The following STARD13 variants were observed in gnomAD, a reference collection of about 807,000 sequenced individuals.
STARD13 encodes the protein stAR-related lipid transfer protein 13.
Under a neutral mutation model 106.4 loss-of-function variants are expected in STARD13, and 62 were observed. The ratio of observed to expected loss-of-function variants is 0.58; its 90% CI spans 0.48 to 0.72. The LOEUF is 0.72. STARD13 is among the 30% of genes least tolerant of loss of function. The pLI is 0.00. For missense variants in STARD13, 1,387 were observed against 1,424.0 expected, an observed-to-expected ratio of 0.97 and a Z score of 0.42; for synonymous variants, 565 against 553.0, an observed-to-expected ratio of 1.02 and a Z score of -0.31.
At chr13:33,541,802 T>A in the STARD13 span, among the ~76,000 whole-genome samples, 5 of 152,200 alleles carry the variant, frequency 3.3e-5, no homozygotes, top group Admixed American at 6.5e-5. Context: ...AGTTTAAAAT[T>A]AAACGGAGCG....
chr13:33,552,754 A>G, the STARD13 span, among the ~76,000 whole-genome samples: 1 of 152,210 alleles, frequency 6.6e-6, no homozygotes, highest in Non-Finnish European at 1.5e-5. Context: ...AATAATAGAC[A>G]AACTATGTTT....
chr13:33,264,135 A>T (rs1890781206), intron 1 of STARD13, among the ~76,000 whole-genome samples: 1 of 152,186 alleles, frequency 6.6e-6, no homozygotes, highest in African/African-American at 2.4e-5. Flanking sequence ...CCAGTCATGC[A>T]AGTGCCCAAG....
At chr13:33,256,801 T>A (rs1193497470) in intron 1 of STARD13, among the ~76,000 whole-genome samples, 2 of 152,238 alleles carry the variant, frequency 1.3e-5, no homozygotes, top group African/African-American at 4.8e-5. Context: ...GCAGGACTGA[T>A]GAAGATTTCA....
At chr13:33,609,245 A>G in the STARD13 span, among the ~76,000 whole-genome samples, 1 of 152,160 alleles carries the variant, frequency 6.6e-6, no homozygotes, top group African/African-American at 2.4e-5. Context: ...ATTTATTTTA[A>G]AAACTCTGCA....
Position 33,348,875 on chromosome 13 carries a change from A to G in STARD13, c.*274T>C, listed in dbSNP as rs184604262. The G allele has an allele frequency of 3.3e-4, 141 of 421,674 alleles. 1 individual carries two copies. Among genetic ancestry groups the G allele is most frequent in the African/African-American group, 2.3e-3 (119 of 50,750 alleles). 26.1% of individuals were successfully genotyped at this position (421,674 alleles called of 1,614,324 possible). A position where few individuals can be genotyped will look rare whatever the true frequency, so the allele number is the denominator to read the frequency against. On this transcript the variant is annotated 3_prime_UTR_variant, in exon 2 of 2. Coordinates refer to the STARD13 transcript ENST00000439831. ...CACTGTGTTGGAGAGAAAATGTGGAATGAACATTGTATGCTTACAACATTG... is the reference window on the plus strand; with the variant it reads ...CACTGTGTTGGAGAGAAAATGTGGAGTGAACATTGTATGCTTACAACATTG...
At chr13:33,374,597 G>A in the STARD13 span, among the ~76,000 whole-genome samples, 1 of 152,096 alleles carries the variant, frequency 6.6e-6, no homozygotes, top group Non-Finnish European at 1.5e-5. Flanking sequence ...TGGTGTTCAG[G>A]GGATGCAAAG....
At chr13:33,123,704 T>C (rs1192858622) in intron 7 of STARD13, among the ~76,000 whole-genome samples, 4 of 152,208 alleles carry the variant, frequency 2.6e-5, no homozygotes, top group Non-Finnish European at 4.4e-5. Flanking sequence ...TGTTGCATCA[T>C]ATAGAAACTG....
intron 1 of STARD13, among the ~76,000 whole-genome samples, chr13:33,349,772 G>T (rs1247644213): frequency 6.6e-6 from 1 of 152,182 alleles, no homozygotes; most frequent in Admixed American, 6.5e-5. Context: ...CCTGTCTCCC[G>T]TCACATCCCC....
chr13:33,320,513 T>C (rs1893518003), intron 1 of STARD13, among the ~76,000 whole-genome samples: 1 of 152,232 alleles, frequency 6.6e-6, no homozygotes, highest in Non-Finnish European at 1.5e-5. Flanking sequence ...GAAAATGGCA[T>C]TTGAAATTCT....
At chr13:33,291,172 A>G (rs1345848362) in intron 1 of STARD13, among the ~76,000 whole-genome samples, 3 of 152,160 alleles carry the variant, frequency 2.0e-5, no homozygotes, top group Admixed American at 1.3e-4. Flanking sequence ...GAGGACCCCA[A>G]GCTATTGAAG....
intron 1 of STARD13, among the ~76,000 whole-genome samples, chr13:33,260,108 C>T (rs1890568400): frequency 6.6e-6 from 1 of 151,942 alleles, no homozygotes; most frequent in Non-Finnish European, 1.5e-5. Context: ...GAACCTGAGG[C>T]AGCATGGGGT....
At chr13:33,590,230 AAC>A in the STARD13 span, among the ~76,000 whole-genome samples, 1 of 152,144 alleles carries the variant, frequency 6.6e-6, no homozygotes. Flanking sequence ...GAGAAATAGG[AAC>A]ACTTTTACAC....
intron 7 of STARD13, among the ~76,000 whole-genome samples, chr13:33,124,940 C>T (rs950662924): frequency 2.8e-4 from 42 of 152,112 alleles, no homozygotes; most frequent in African/African-American, 8.5e-4. Context: ...CCACCCTCTG[C>T]GATGACATAC....
chr13:33,668,202 A>T, the STARD13 span, among the ~76,000 whole-genome samples: 8 of 152,192 alleles, frequency 5.3e-5, no homozygotes, highest in African/African-American at 9.7e-5. Flanking sequence ...TTCTTTTATC[A>T]GTTGTTGAAC....
the STARD13 span, among the ~76,000 whole-genome samples, chr13:33,464,926 G>C: frequency 6.6e-6 from 1 of 152,020 alleles, no homozygotes; most frequent in South Asian, 2.1e-4. Context: ...AGTCCGGCAG[G>C]AAAGTCAAAC....
chr13:33,200,432 C>T (rs371570592), intron 1 of STARD13, among the ~76,000 whole-genome samples: 4 of 152,300 alleles, frequency 2.6e-5, no homozygotes, highest in South Asian at 2.1e-4. Flanking sequence ...TCACCAACAA[C>T]GAGACCACTT....
intron 1 of STARD13, chr13:33,273,987 A>G (rs1891287498): frequency 6.6e-6 from 1 of 152,200 alleles, no homozygotes. Context: ...GTAGATACTA[A>G]TATCGATCTT....
At chr13:33,350,907 C>G (rs905183215), upstream of STARD13, among the ~76,000 whole-genome samples, 7 of 150,072 alleles carry the variant, frequency 4.7e-5, no homozygotes, top group African/African-American at 1.7e-4. Context: ...TTGATACTTT[C>G]CTTTATTTTT....
chr13:33,113,526 G>T (rs759157680), intron 8 of STARD13: 1 of 514,136 alleles, frequency 1.9e-6, no homozygotes, highest in African/African-American at 1.9e-5. Context: ...CTTCTCGAGG[G>T]GAAGCCTGTA....
Sources: allele counts gnomAD v4.1 joint callset (sites outside exome capture counted in the v4.1 genomes callset), GRCh38; gene constraint gnomAD v4.1.1; transcripts MANE v1.5; gene names NCBI Gene and HGNC (gene_info 2026-07-23, HGNC 2026-07-21).